Variants in ZNF674 observed in about 807,000 individuals in gnomAD.
ZNF674 encodes zinc finger family member 674.
ZNF674 carries 2 observed loss-of-function variants against 7.0 expected under a neutral mutation model. The observed-to-expected ratio is 0.29, with a 90% confidence interval of 0.12 to 0.90. ZNF674 has a LOEUF of 0.90. ZNF674 is among the 40% of genes least tolerant of loss of function. ZNF674 has a pLI of 0.57. For synonymous variants in ZNF674, 103 were observed against 145.2 expected (o/e 0.71, Z 2.09); for missense variants, 297 against 415.5 (o/e 0.71, Z 2.48).
At chrX:46,531,981 A>G (rs1011232648) in intron 3 of ZNF674, among the ~76,000 whole-genome samples, 3 of 111,792 alleles carry the variant, frequency 2.7e-5, no homozygotes, top group Non-Finnish European at 5.7e-5. Flanking sequence ...CCTGGCCAAC[A>G]TGATGAAACT....
intron 5 of ZNF674, among the ~76,000 whole-genome samples, chrX:46,521,016 A>T (rs889197185): frequency 9.1e-6 from 1 of 110,037 alleles, no homozygotes; most frequent in African/African-American, 3.3e-5. Flanking sequence ...GTGAAATCCC[A>T]TCTCTACTAA....
Position 46,500,690 on chromosome X carries a change from C to T in ZNF674, c.884G>A (p.Arg295Gln), listed in dbSNP as rs187237351. The T allele has an allele frequency of 8.3e-4, 999 of 1,210,281 alleles. 8 individuals are homozygous for T. In the African/African-American group the frequency reaches 0.015, roughly 19 times the overall value. ...IQKSTLIKHQRTHTGEKPFVC... is the reference protein window; with the variant it reads ...IQKSTLIKHQQTHTGEKPFVC... ...AAATGGTTTCTCTCCTGTATGAGTT[C>T]GTTGATGTTTAATCAGAGTTGACTT... Residue 295 changes from arginine (R) to glutamine (Q), a missense_variant, in exon 6 of 6, where the codon CGA becomes CAA. By Grantham distance (43) the Arg-to-Gln change is conservative. Coordinates refer to ENST00000683375, the MANE Select transcript of ZNF674 (RefSeq NM_001190417.2).
Position 46,538,576 on chromosome X carries a change from A to C in ZNF674, c.15+3497T>G, listed in dbSNP as rs147030435. 3.7e-3 allele frequency among the ~76,000 whole-genome samples: 416 copies of C among 111,843 alleles called. 3 individuals are homozygous for C. Among genetic ancestry groups the C allele is most frequent in the African/African-American group, 0.013 (400 of 30,855 alleles). ...ACTAGAATAAATAATTGAAATAAGG[A>C]AGTACAAATGATGGTTAAAAAAAAT... On this transcript the variant is annotated intron_variant, in intron 3 of 5. Transcript: ENST00000683375.
At chrX:46,504,929 G>A (rs1365628448) in intron 5 of ZNF674, among the ~76,000 whole-genome samples, 2 of 107,871 alleles carry the variant, frequency 1.9e-5, no homozygotes, top group Admixed American at 1.0e-4. Flanking sequence ...TCCCTCTGTC[G>A]CCCAGGCTGG....
rs1472393337 is a variant in ZNF674, at chrX:46,497,973, T to A, written c.*1870A>T. ...TACTTAAATAAATACAAATTTATAC[T>A]TATATGTGCATATAACTTTACTCAT... On this transcript the variant is annotated 3_prime_UTR_variant, in exon 6 of 6. Transcript: ENST00000683375. The A allele has an allele frequency of 8.9e-6, 1 of 111,779 alleles. No homozygotes were observed. The highest frequency in any genetic ancestry group is 1.9e-5 in the Non-Finnish European group (1 of 53,157). 9.2% of individuals were successfully genotyped at this position (111,779 alleles called of 1,213,427 possible). A position where few individuals can be genotyped will look rare whatever the true frequency, so the allele number is the denominator to read the frequency against.
intron 5 of ZNF674, among the ~76,000 whole-genome samples, chrX:46,512,319 G>A (rs182297304): frequency 0.016 from 1,629 of 101,609 alleles, 26 homozygotes; most frequent in African/African-American, 0.056. Context: ...CCGAGATCAC[G>A]CCATTGCACT....
chrX:46,540,117 G>T (rs898208613), intron 3 of ZNF674, among the ~76,000 whole-genome samples: 1 of 111,097 alleles, frequency 9.0e-6, no homozygotes, highest in Non-Finnish European at 1.9e-5. Context: ...GGTTGCAGGC[G>T]CCTGTAGTCC....
intron 3 of ZNF674, among the ~76,000 whole-genome samples, chrX:46,531,675 T>C (rs1355716517): frequency 9.0e-6 from 1 of 110,775 alleles, no homozygotes; most frequent in East Asian, 2.8e-4. Context: ...AAAACAGCCA[T>C]CATTCCACTG....
intron 5 of ZNF674, among the ~76,000 whole-genome samples, chrX:46,509,743 G>T (rs1489722121): frequency 1.0e-5 from 1 of 96,473 alleles, no homozygotes; most frequent in Admixed American, 1.2e-4. Flanking sequence ...ATTCCTCAGG[G>T]ATCTAGAACT....
In ZNF674 at chrX:46,536,561, G is replaced by T. The variant is rs750433921; in HGVS notation, c.15+5512C>A. Among the ~76,000 whole-genome samples the T allele has an allele frequency of 3.0e-5, 3 of 100,632 alleles. No homozygotes were observed. In the East Asian group the frequency reaches 9.5e-4, roughly 32 times the overall value. 87.4% of individuals were successfully genotyped at this position (100,632 alleles called of 115,157 possible). A position where few individuals can be genotyped will look rare whatever the true frequency, so the allele number is the denominator to read the frequency against. On this transcript the variant is annotated intron_variant, in intron 3 of 5. Transcript: ENST00000683375. Reference sequence around the variant, plus strand: ...GCTGAGATCGTGCCATTGCACTCCAGCCTGGCAACAGCAAGACTCCGTCTC... The same window carrying T: ...GCTGAGATCGTGCCATTGCACTCCATCCTGGCAACAGCAAGACTCCGTCTC...
chrX:46,541,720 A>G (rs1427857619), intron 3 of ZNF674, among the ~76,000 whole-genome samples: 1 of 112,250 alleles, frequency 8.9e-6, no homozygotes. Context: ...TTCTATGTAC[A>G]TTAAAACATT....
At chrX:46,538,927 G>A (rs1029863367) in intron 3 of ZNF674, among the ~76,000 whole-genome samples, 3 of 111,263 alleles carry the variant, frequency 2.7e-5, no homozygotes, top group Non-Finnish European at 5.7e-5. Flanking sequence ...GCTCCCACCT[G>A]TAATCCCAGC....
intron 5 of ZNF674, among the ~76,000 whole-genome samples, chrX:46,509,116 A>G (rs1272055506): frequency 1.9e-5 from 2 of 107,995 alleles, no homozygotes; most frequent in Non-Finnish European, 3.8e-5. Flanking sequence ...TCCCTTCCTT[A>G]CACCTTATAC....
chrX:46,502,924 A>T lies in ZNF674; in HGVS notation c.239-1589T>A, dbSNP rs1223119392. On this transcript the variant is annotated intron_variant, in intron 5 of 5. Transcript: ENST00000683375. ...TGAGTTCCATGAATTTCTCTAGAGA[A>T]TATCTGAGTATGGGAGTCGTCTTGG... Among the ~76,000 whole-genome samples the T allele has an allele frequency of 2.7e-5, 3 of 112,458 alleles. No individual in the cohort carries two copies. The East Asian group carries it at 8.3e-4, about 31-fold the overall frequency.
intron 5 of ZNF674, among the ~76,000 whole-genome samples, chrX:46,504,953 G>A (rs780291595): frequency 2.5e-4 from 27 of 109,508 alleles, no homozygotes; most frequent in Non-Finnish European, 4.4e-4. Context: ...GCAGTGGTGG[G>A]ATCTCGGCTC....
intron 5 of ZNF674, among the ~76,000 whole-genome samples, chrX:46,504,345 A>T (rs1268970425): frequency 1.9e-5 from 2 of 102,766 alleles, no homozygotes; most frequent in Non-Finnish European, 4.0e-5. Flanking sequence ...GATCCCTATA[A>T]TTTTTTTTTT....
chrX:46,510,252 C>T (rs923553895), intron 5 of ZNF674, among the ~76,000 whole-genome samples: 2 of 109,636 alleles, frequency 1.8e-5, no homozygotes, highest in African/African-American at 6.6e-5. Flanking sequence ...AACTAACCTG[C>T]ACATTGTGCA....
At chrX:46,521,513 T>C (rs1210647382) in intron 5 of ZNF674, among the ~76,000 whole-genome samples, 1 of 109,834 alleles carries the variant, frequency 9.1e-6, no homozygotes, top group Non-Finnish European at 1.9e-5. Context: ...CCCAAGGAGG[T>C]TGAGGCTGCA....
At chrX:46,544,136 G>A (rs1253309138) in intron 2 of ZNF674, among the ~76,000 whole-genome samples, 1 of 112,771 alleles carries the variant, frequency 8.9e-6, no homozygotes, top group East Asian at 2.8e-4. Context: ...GCCCCCATGG[G>A]GGACATCCAT....
Sources: gnomAD v4.1 joint callset for allele counts (sites outside exome capture counted in the v4.1 genomes callset) on GRCh38, gnomAD v4.1.1 for gene constraint, MANE v1.5 for transcripts, NCBI Gene and HGNC (gene_info 2026-07-23, HGNC 2026-07-21) for gene names.